GALNT13: variants seen among roughly 807,000 people sequenced by gnomAD.
GALNT13 encodes polypeptide N-acetylgalactosaminyltransferase 13.
Under a neutral mutation model 64.2 loss-of-function variants are expected in GALNT13, and 28 were observed. The ratio of observed to expected loss-of-function variants is 0.44; its 90% confidence interval spans 0.32 to 0.60. The LOEUF is 0.60. Ranked by LOEUF, GALNT13 falls within the 20% of genes least tolerant of loss-of-function variation. The pLI, the probability that GALNT13 is intolerant of heterozygous loss-of-function variation, is 0.05. For synonymous variants in GALNT13, 214 were observed against 224.6 expected (o/e 0.95, Z 0.42); for missense variants, 577 against 669.8 (o/e 0.86, Z 1.53).
At chr2:153,371,339 A>C in the GALNT13 span, among the ~76,000 whole-genome samples, 1 of 152,174 alleles carries the variant, frequency 6.6e-6, no homozygotes, top group Non-Finnish European at 1.5e-5. Flanking sequence ...CAATATAATA[A>C]GTTAGGAAAG....
intron 4 of GALNT13, among the ~76,000 whole-genome samples, chr2:154,153,544 C>T (rs557720918): frequency 6.6e-6 from 1 of 152,348 alleles, no homozygotes; most frequent in East Asian, 1.9e-4. Flanking sequence ...GTGGAGCCTA[C>T]AGAGGCAGGC....
the GALNT13 span, among the ~76,000 whole-genome samples, chr2:153,824,093 C>T: frequency 2.6e-5 from 4 of 152,088 alleles, no homozygotes; most frequent in African/African-American, 4.8e-5. Flanking sequence ...GTCAGAACGG[C>T]TGTTATTAAA....
the GALNT13 span, among the ~76,000 whole-genome samples, chr2:153,274,852 G>T: frequency 6.6e-6 from 1 of 152,146 alleles, no homozygotes; most frequent in Non-Finnish European, 1.5e-5. Flanking sequence ...TAGAAGTAGG[G>T]TTCTTCTACA....
At chr2:154,172,928 T>C (rs184258292) in intron 4 of GALNT13, among the ~76,000 whole-genome samples, 3 of 152,192 alleles carry the variant, frequency 2.0e-5, no homozygotes, top group Admixed American at 6.6e-5. Flanking sequence ...CTGCAATCCC[T>C]ATCAAAATAC....
the GALNT13 span, among the ~76,000 whole-genome samples, chr2:153,702,039 A>G: frequency 1.3e-5 from 2 of 152,212 alleles, no homozygotes; most frequent in Non-Finnish European, 2.9e-5. Flanking sequence ...ATGTATGTTT[A>G]TTGCAACACT....
the GALNT13 span, among the ~76,000 whole-genome samples, chr2:153,848,403 C>G: frequency 2.0e-5 from 3 of 152,148 alleles, no homozygotes; most frequent in Admixed American, 6.6e-5. Flanking sequence ...GGCTGAAAAT[C>G]AGTCTCTAAG....
chr2:154,196,526 G>A (rs1264359927), intron 4 of GALNT13, among the ~76,000 whole-genome samples: 1 of 152,118 alleles, frequency 6.6e-6, no homozygotes, highest in African/African-American at 2.4e-5. Flanking sequence ...AGATTCAGAG[G>A]CAGCATAAAG....
chr2:153,763,340 TG>T, the GALNT13 span, among the ~76,000 whole-genome samples: 3 of 152,184 alleles, frequency 2.0e-5, no homozygotes, highest in Non-Finnish European at 2.9e-5. Context: ...TGATATGATT[TG>T]GCTGTGTCTT....
chr2:153,360,626 C>T, the GALNT13 span, among the ~76,000 whole-genome samples: 15 of 152,152 alleles, frequency 9.9e-5, no homozygotes, highest in Non-Finnish European at 1.8e-4. Context: ...CCTCTTCAGG[C>T]CTGACCCTTA....
the GALNT13 span, among the ~76,000 whole-genome samples, chr2:153,186,059 G>T: frequency 3.2e-4 from 48 of 152,050 alleles, no homozygotes; most frequent in African/African-American, 9.4e-4. Context: ...CCAGTGGGGT[G>T]TTAAAGTCTC....
At chr2:153,564,119 C>T in the GALNT13 span, among the ~76,000 whole-genome samples, 1 of 152,090 alleles carries the variant, frequency 6.6e-6, no homozygotes, top group South Asian at 2.1e-4. Context: ...TGGAATGACA[C>T]CACCAACTTC....
chr2:153,416,015 C>T, the GALNT13 span, among the ~76,000 whole-genome samples: 1 of 152,148 alleles, frequency 6.6e-6, no homozygotes, highest in African/African-American at 2.4e-5. Flanking sequence ...TATAAATAAA[C>T]AAGCCTACCA....
At chr2:153,806,635 T>A in the GALNT13 span, among the ~76,000 whole-genome samples, 2 of 150,400 alleles carry the variant, frequency 1.3e-5, no homozygotes, top group African/African-American at 2.4e-5. Flanking sequence ...GTCAAAGGGG[T>A]TGAACATGAG....
chr2:153,646,429 T>C, the GALNT13 span, among the ~76,000 whole-genome samples: 133 of 146,634 alleles, frequency 9.1e-4, no homozygotes, highest in African/African-American at 3.2e-3. Context: ...AGTATTGAAG[T>C]TACAATTATT....
intron 3 of GALNT13, among the ~76,000 whole-genome samples, chr2:154,081,161 G>C (rs1032219213): frequency 7.9e-5 from 12 of 151,472 alleles, no homozygotes; most frequent in Non-Finnish European, 3.0e-5. Context: ...GAAGCCTGTA[G>C]ACCATACTCT....
At position 153,961,431 on chromosome 2, in the gene GALNT13, A is replaced by G. The variant is rs987577683; in HGVS notation, c.142+16792A>G. On this transcript the variant is annotated intron_variant, in intron 3 of 12. Coordinates refer to ENST00000392825, the MANE Select transcript of GALNT13 (RefSeq NM_052917.4). Reference sequence around the variant, plus strand: ...TTAATAAGTTATTACAGCAATGTAAATATCAGGCAGATATTTTCATTCACG... The same window carrying G: ...TTAATAAGTTATTACAGCAATGTAAGTATCAGGCAGATATTTTCATTCACG... Among the ~76,000 whole-genome samples, 8 of 152,276 alleles carry G rather than the reference A, an allele frequency of 5.3e-5. No homozygotes were observed. The East Asian group carries it at 5.8e-4, about 11-fold the overall frequency.
At chr2:153,661,760 A>G in the GALNT13 span, among the ~76,000 whole-genome samples, 11 of 152,204 alleles carry the variant, frequency 7.2e-5, no homozygotes, top group Non-Finnish European at 1.3e-4. Flanking sequence ...CCAGCATAGT[A>G]TATATAGATT....
the GALNT13 span, among the ~76,000 whole-genome samples, chr2:153,514,348 T>A: frequency 3.9e-5 from 6 of 152,210 alleles, no homozygotes; most frequent in Non-Finnish European, 8.8e-5. Flanking sequence ...TCTTCCTGCT[T>A]CATTTTGCTC....
At chr2:153,175,062 C>G in the GALNT13 span, among the ~76,000 whole-genome samples, 1 of 152,086 alleles carries the variant, frequency 6.6e-6, no homozygotes, top group South Asian at 2.1e-4. Flanking sequence ...TAAAATGAAC[C>G]ATAACAACTA....
Sources: gnomAD v4.1 joint callset for allele counts (sites outside exome capture counted in the v4.1 genomes callset) on GRCh38, gnomAD v4.1.1 for gene constraint, MANE v1.5 for transcripts, NCBI Gene and HGNC (gene_info 2026-07-23, HGNC 2026-07-21) for gene names.